TMEM132D: variants seen among roughly 807,000 people sequenced by gnomAD.
TMEM132D encodes the protein transmembrane protein 132D, also known as mature OL transmembrane protein.
Under a neutral mutation model 62.3 loss-of-function variants are expected in TMEM132D, and 21 were observed. The ratio of observed to expected loss-of-function variants is 0.34; its 90% confidence interval spans 0.24 to 0.49. TMEM132D has a LOEUF of 0.49. Ranked by LOEUF, TMEM132D falls within the 20% of genes least tolerant of loss-of-function variation. TMEM132D has a pLI of 0.99. For synonymous variants in TMEM132D, 621 were observed against 575.6 expected, an observed-to-expected ratio of 1.08 and a Z score of -1.13; for missense variants, 1,346 against 1,402.8, an observed-to-expected ratio of 0.96 and a Z score of 0.65.
intron 4 of TMEM132D, among the ~76,000 whole-genome samples, chr12:129,244,399 A>AAC (rs1454753598): frequency 7.5e-6 from 1 of 133,990 alleles, no homozygotes; most frequent in Non-Finnish European, 1.6e-5. Context: ...AAAAAAAAAA[A>AAC]AAAAAAAAAA....
Position 129,471,209 on chromosome 12 carries a change from C to CTTTT in TMEM132D, c.1115+59846_1115+59849dup, listed in dbSNP as rs3046077. Among the ~76,000 whole-genome samples the CTTTT allele has an allele frequency of 3.6e-3, 530 of 145,814 alleles. 4 individuals carry two copies. The highest frequency in any genetic ancestry group is 9.5e-3 in the African/African-American group (377 of 39,538). On this transcript the variant is annotated intron_variant, in intron 3 of 8. Transcript: ENST00000422113. Reference sequence around the variant, plus strand: ...ACTTTATCGTGTTTTGTAGATATTACTTTTTTTTTTTTTTTAACAAATTGA... The same window carrying CTTTT: ...ACTTTATCGTGTTTTGTAGATATTACTTTTTTTTTTTTTTTTTTTAACAAATTGA...
chr12:129,274,611 G>C (rs1454533334), intron 4 of TMEM132D, among the ~76,000 whole-genome samples: 1 of 152,178 alleles, frequency 6.6e-6, no homozygotes, highest in African/African-American at 2.4e-5. Context: ...ATTTGGCCGG[G>C]TGCAGTGGTT....
chr12:129,882,301 C>G (rs1874621967), intron 1 of TMEM132D, among the ~76,000 whole-genome samples: 1 of 152,004 alleles, frequency 6.6e-6, no homozygotes, highest in Non-Finnish European at 1.5e-5. Context: ...CAAAAGTAGA[C>G]AAAGACAGTA....
chr12:129,560,275 T>A (rs1321958756), intron 2 of TMEM132D, among the ~76,000 whole-genome samples: 7 of 150,614 alleles, frequency 4.6e-5, no homozygotes, highest in East Asian at 1.9e-4. Context: ...GTTTTCTTTT[T>A]TTTTTTTTTT....
chr12:129,632,664 C>T (rs1315440233), intron 2 of TMEM132D, among the ~76,000 whole-genome samples: 1 of 152,186 alleles, frequency 6.6e-6, no homozygotes, highest in Non-Finnish European at 1.5e-5. Flanking sequence ...CTTCTCTATT[C>T]TCAGCTGTGG....
intron 1 of TMEM132D, among the ~76,000 whole-genome samples, chr12:129,889,244 T>C (rs1874844290): frequency 6.6e-6 from 1 of 152,164 alleles, no homozygotes; most frequent in South Asian, 2.1e-4. Context: ...TTTTGACTGG[T>C]AGTGTTGACC....
intron 3 of TMEM132D, among the ~76,000 whole-genome samples, chr12:129,493,974 T>C (rs1197306175): frequency 6.6e-6 from 1 of 152,198 alleles, no homozygotes; most frequent in African/African-American, 2.4e-5. Context: ...GCCTTAGGTA[T>C]AATGTCAAAT....
chr12:129,364,599 A>G (rs1407643588), intron 3 of TMEM132D, among the ~76,000 whole-genome samples: 2 of 152,230 alleles, frequency 1.3e-5, no homozygotes, highest in Non-Finnish European at 2.9e-5. Context: ...TGCTATTCCC[A>G]GGAAAGTTAG....
rs1875796397 is a variant in TMEM132D, at chr12:129,519,751, G to A, written c.1115+11308C>T. On this transcript the variant is annotated intron_variant, in intron 3 of 8. Transcript: ENST00000422113. ...AGCCTCCTGAGTAGCTGGGATTACA[G>A]GTGCCCACCACCATGCCCAGCTACT... Among the ~76,000 whole-genome samples, 3 of 151,888 alleles carry A rather than the reference G, an allele frequency of 2.0e-5. No homozygotes were observed. The South Asian group carries it at 6.2e-4, about 32-fold the overall frequency.
intron 4 of TMEM132D, among the ~76,000 whole-genome samples, chr12:129,266,240 A>G (rs1880690711): frequency 6.6e-6 from 1 of 152,094 alleles, no homozygotes; most frequent in Non-Finnish European, 1.5e-5. Flanking sequence ...TGGATGTCCT[A>G]CGGCCACACT....
chr12:129,158,416 A>G (rs929252107), intron 5 of TMEM132D, among the ~76,000 whole-genome samples: 1 of 114,084 alleles, frequency 8.8e-6, no homozygotes, highest in Non-Finnish European at 2.0e-5. Flanking sequence ...GCTTTTAGAC[A>G]TCTTGAGTTT....
chr12:129,839,711 A>T (rs1160919601), intron 1 of TMEM132D, among the ~76,000 whole-genome samples: 2 of 152,246 alleles, frequency 1.3e-5, no homozygotes, highest in Non-Finnish European at 2.9e-5. Flanking sequence ...AAAACACTAC[A>T]AACACTGAAC....
At chr12:129,710,450 C>T (rs1881612715) in intron 1 of TMEM132D, among the ~76,000 whole-genome samples, 1 of 152,040 alleles carries the variant, frequency 6.6e-6, no homozygotes, top group South Asian at 2.1e-4. Context: ...TGCCTGCCAC[C>T]ACACCTGGCT....
intron 5 of TMEM132D, among the ~76,000 whole-genome samples, chr12:129,128,770 G>T (rs779209883): frequency 6.6e-6 from 1 of 151,930 alleles, no homozygotes; most frequent in Non-Finnish European, 1.5e-5. Flanking sequence ...ACCCTTGGGA[G>T]TCTCCAGTGT....
intron 2 of TMEM132D, among the ~76,000 whole-genome samples, chr12:129,620,954 T>A (rs1261622217): frequency 6.6e-6 from 1 of 152,124 alleles, no homozygotes; most frequent in Non-Finnish European, 1.5e-5. Flanking sequence ...AATCTGCACA[T>A]CCTGCACATG....
At chr12:129,515,550 G>A (rs1875647908) in intron 3 of TMEM132D, among the ~76,000 whole-genome samples, 1 of 152,090 alleles carries the variant, frequency 6.6e-6, no homozygotes, top group Non-Finnish European at 1.5e-5. Flanking sequence ...TACTGCAGAA[G>A]CAGAAGCAGC....
At chr12:129,266,105 CTGA>C (rs146594011) in intron 4 of TMEM132D, among the ~76,000 whole-genome samples, 13,756 of 152,162 alleles carry the variant, frequency 0.09, 775 homozygotes, top group Admixed American at 0.17. Flanking sequence ...GTGAAGGCCA[CTGA>C]TGATGGCCTT....
rs115663748 is a variant in TMEM132D at position 129,420,238 on chromosome 12, G to A, written c.1116-82421C>T. The stretch of plus-strand genomic sequence containing the variant: ...AAACACACAGCCAAGACACTGTACC[G>A]TGTTTCATATTCTCTAAGTATCCCA... On this transcript the variant is annotated intron_variant, in intron 3 of 8. Transcript: ENST00000422113. Among the ~76,000 whole-genome samples, 1,173 of 149,778 alleles carry A rather than the reference G, an allele frequency of 7.8e-3. 13 individuals carry two copies. Among genetic ancestry groups the A allele is most frequent in the African/African-American group, 0.027 (1,100 of 40,378 alleles).
At chr12:129,360,267 T>C (rs187950747) in intron 3 of TMEM132D, among the ~76,000 whole-genome samples, 1 of 152,296 alleles carries the variant, frequency 6.6e-6, no homozygotes, top group Non-Finnish European at 1.5e-5. Flanking sequence ...AAAGAGAAGC[T>C]GAACTTGCTT....
Sources: allele counts gnomAD v4.1 joint callset (sites outside exome capture counted in the v4.1 genomes callset), GRCh38; gene constraint gnomAD v4.1.1; transcripts MANE v1.5; gene names NCBI Gene and HGNC (gene_info 2026-07-23, HGNC 2026-07-21).